BRWD3: variants seen among roughly 807,000 people sequenced by gnomAD.
BRWD3 encodes bromodomain and WD repeat-containing protein 3.
Under a neutral mutation model 149.7 loss-of-function variants are expected in BRWD3, and 10 were observed. The observed-to-expected ratio is 0.07, with a 90% CI of 0.04 to 0.11. The LOEUF is 0.11. Among genes scored for constraint, BRWD3 ranks in the 10% least tolerant of loss-of-function variants. BRWD3 has a pLI of 1.00. For missense variants in BRWD3, 940 were observed against 1,373.2 expected (o/e 0.68, Z 4.99); for synonymous variants, 504 against 456.7 (o/e 1.10, Z -1.32).
chrX:80,685,124 A>G (rs16979519), intron 36 of BRWD3, among the ~76,000 whole-genome samples: 20,942 of 111,011 alleles, frequency 0.19, 1,666 homozygotes, highest in South Asian at 0.43. Flanking sequence ...AAAATTTAAA[A>G]GACTCAGACT....
intron 6 of BRWD3, among the ~76,000 whole-genome samples, chrX:80,752,702 C>T (rs1379216010): frequency 1.8e-5 from 2 of 111,736 alleles, no homozygotes; most frequent in Non-Finnish European, 3.8e-5. Flanking sequence ...TGAAGTCTTG[C>T]TCTGTCACCC....
At chrX:80,780,358 T>C (rs2074044316) in intron 6 of BRWD3, among the ~76,000 whole-genome samples, 1 of 111,553 alleles carries the variant, frequency 9.0e-6, no homozygotes, top group African/African-American at 3.2e-5. Flanking sequence ...ATATTTTATA[T>C]AATAAAATAA....
intron 22 of BRWD3, among the ~76,000 whole-genome samples, chrX:80,706,259 C>A: frequency 9.0e-6 from 1 of 110,651 alleles, no homozygotes; most frequent in East Asian, 2.8e-4. Flanking sequence ...CAGGCCTCTG[C>A]CACCACATCC....
At chrX:80,761,237 G>T (rs1280939004) in intron 6 of BRWD3, among the ~76,000 whole-genome samples, 1 of 112,191 alleles carries the variant, frequency 8.9e-6, no homozygotes, top group Non-Finnish European at 1.9e-5. Flanking sequence ...TTCAAGATCA[G>T]TTTGTTCTCC....
intron 6 of BRWD3, among the ~76,000 whole-genome samples, chrX:80,750,494 A>G (rs1464070304): frequency 9.0e-6 from 1 of 111,627 alleles, no homozygotes; most frequent in African/African-American, 3.3e-5. Flanking sequence ...ATCTCCAGTC[A>G]TCAGGGACAT....
intron 22 of BRWD3, among the ~76,000 whole-genome samples, chrX:80,705,781 A>G (rs1413097044): frequency 5.4e-5 from 6 of 112,003 alleles, no homozygotes; most frequent in Admixed American, 9.5e-5. Context: ...AAGGTACAGT[A>G]AAAATATGAC....
At chrX:80,726,090 A>G (rs1363438202) in intron 14 of BRWD3, among the ~76,000 whole-genome samples, 1 of 109,730 alleles carries the variant, frequency 9.1e-6, no homozygotes, top group African/African-American at 3.3e-5. Flanking sequence ...CTGTATAACA[A>G]CATGTTTACA....
intron 24 of BRWD3, among the ~76,000 whole-genome samples, chrX:80,700,641 G>A (rs1367456576): frequency 1.9e-5 from 2 of 105,414 alleles, no homozygotes; most frequent in African/African-American, 3.4e-5. Context: ...GGAGGCTGAC[G>A]CAGGAGAATC....
At chrX:80,687,843 G>A (rs1350144414) in intron 34 of BRWD3, among the ~76,000 whole-genome samples, 2 of 109,840 alleles carry the variant, frequency 1.8e-5, no homozygotes, top group African/African-American at 3.3e-5. Flanking sequence ...ATAGCATAAG[G>A]AAGCCTGTAC....
intron 6 of BRWD3, among the ~76,000 whole-genome samples, chrX:80,771,427 A>T (rs891993771): frequency 9.0e-6 from 1 of 111,643 alleles, no homozygotes; most frequent in Non-Finnish European, 1.9e-5. Flanking sequence ...AACAGAACAG[A>T]GCCCTCAGAA....
intron 36 of BRWD3, among the ~76,000 whole-genome samples, chrX:80,685,009 A>T (rs1371667961): frequency 9.0e-6 from 1 of 111,516 alleles, no homozygotes; most frequent in African/African-American, 3.3e-5. Context: ...TATGAGAAGA[A>T]ATGACAAACG....
In BRWD3 at chrX:80,671,521, A is replaced by G. The variant is rs2072323060; in HGVS notation, c.*5088T>C. 1 of 112,051 alleles carries G rather than the reference A, an allele frequency of 8.9e-6. No individual in the cohort carries two copies. The highest frequency in any genetic ancestry group is 9.5e-5 in the Admixed American group (1 of 10,543). 9.2% of individuals were successfully genotyped at this position (112,051 alleles called of 1,213,427 possible). ...TAATTTTTCTCTGGTACATAAATTA[A>G]GGCATAAAGCAGCAAGAGTGCAATT... On this transcript the variant is annotated 3_prime_UTR_variant, in exon 41 of 41. Transcript: ENST00000373275.
In BRWD3 at chrX:80,744,257, T is replaced by C. The variant is rs750369566; in HGVS notation, c.592-4A>G. 5.9e-6 allele frequency: 7 copies of C among 1,178,503 alleles called. No individual in the cohort carries two copies. Among genetic ancestry groups the C allele is most frequent in the East Asian group, 3.0e-5 (1 of 33,439 alleles). On this transcript the variant is annotated splice_polypyrimidine_tract_variant and splice_region_variant and intron_variant, in intron 7 of 40. Coordinates refer to ENST00000373275, the MANE Select transcript of BRWD3 (RefSeq NM_153252.5). ...TTACTAAACAGTCATCTGAACCCTA[T>C]AGTAACAAAAGGACAATAGGTTTAT... is the stretch of plus-strand genomic sequence containing the variant.
At chrX:80,705,138 C>T (rs897956101) in intron 22 of BRWD3, among the ~76,000 whole-genome samples, 3 of 110,194 alleles carry the variant, frequency 2.7e-5, no homozygotes, top group African/African-American at 6.6e-5. Flanking sequence ...TGATGGCACA[C>T]GCCTGTAGTC....
In BRWD3 at chrX:80,671,952, A is replaced by G; in HGVS notation, c.*4657T>C. The stretch of plus-strand genomic sequence containing the variant: ...TACTGCCTAATGTGTATCTGGTGAC[A>G]TATGCAAAAACACATTTCCCAACTG... On this transcript the variant is annotated 3_prime_UTR_variant, in exon 41 of 41. Transcript: ENST00000373275. The G allele has an allele frequency of 8.9e-6, 1 of 112,321 alleles. No individual in the cohort carries two copies. The allele number at this position is 112,321 out of a possible 1,213,427, so 9.3% of individuals were successfully genotyped here. A position where few individuals can be genotyped will look rare whatever the true frequency, so the allele number is the denominator to read the frequency against.
intron 15 of BRWD3, among the ~76,000 whole-genome samples, chrX:80,724,260 C>CAA (rs2073189045): frequency 8.9e-6 from 1 of 111,920 alleles, no homozygotes; most frequent in African/African-American, 3.2e-5. Flanking sequence ...TTAAAGCACA[C>CAA]AATCAATTTT....
intron 6 of BRWD3, among the ~76,000 whole-genome samples, chrX:80,751,878 G>A (rs768345817): frequency 4.6e-5 from 5 of 109,863 alleles, no homozygotes; most frequent in South Asian, 7.7e-4. Flanking sequence ...AGTTCCATCC[G>A]TATTGCTGCA....
intron 24 of BRWD3, among the ~76,000 whole-genome samples, chrX:80,701,545 CAAAAAAAAA>C (rs140140883): frequency 3.2e-3 from 78 of 24,190 alleles, no homozygotes; most frequent in Non-Finnish European, 4.1e-3. Context: ...CGAGACTCGT[CAAAAAAAAA>C]AAAAAAAAAA....
chrX:80,697,018 C>T (rs1193275100), intron 25 of BRWD3, among the ~76,000 whole-genome samples, 155 bp from the exon 26 acceptor site: 1 of 111,757 alleles, frequency 8.9e-6, no homozygotes, highest in African/African-American at 3.2e-5. Flanking sequence ...TGGCTCTTAA[C>T]TCCTAATAGC....
Sources: allele counts gnomAD v4.1 joint callset (sites outside exome capture counted in the v4.1 genomes callset), GRCh38; gene constraint gnomAD v4.1.1; transcripts MANE v1.5; gene names NCBI Gene and HGNC (gene_info 2026-07-23, HGNC 2026-07-21).